The following WWOX variants were observed in gnomAD, a reference collection of about 807,000 sequenced individuals.
WWOX encodes WW domain containing oxidoreductase.
In WWOX, 69 loss-of-function variants were observed where a neutral mutation model predicts 46.2. That is an observed-to-expected ratio of 1.49 (90% CI 1.23 to 1.82). The LOEUF (loss-of-function observed/expected upper bound fraction) is 1.82, where lower values mean the gene tolerates loss of function less well. WWOX is among the 40% of genes most tolerant of loss of function. The probability of loss-of-function intolerance (pLI) is 0.00; values close to 1 mark genes in which losing one functional copy is unlikely to be tolerated. For missense variants in WWOX, 919 were observed against 542.6 expected, an observed-to-expected ratio of 1.69 and a Z score of -6.89; for synonymous variants, 359 against 202.6, an observed-to-expected ratio of 1.77 and a Z score of -6.56.
intron 5 of WWOX, among the ~76,000 whole-genome samples, chr16:78,305,823 A>G (rs2080124829): frequency 6.6e-6 from 1 of 152,168 alleles, no homozygotes; most frequent in Non-Finnish European, 1.5e-5. Context: ...ACCTTGTGGC[A>G]CAACATTGCC....
intron 8 of WWOX, among the ~76,000 whole-genome samples, chr16:78,519,521 T>C (rs753396379): frequency 5.3e-5 from 8 of 151,964 alleles, no homozygotes; most frequent in Non-Finnish European, 1.0e-4. Context: ...TATGGATATA[T>C]AGACATACAC....
intron 5 of WWOX, among the ~76,000 whole-genome samples, chr16:78,208,842 T>G (rs974431092): frequency 1.3e-5 from 2 of 152,236 alleles, no homozygotes; most frequent in African/African-American, 4.8e-5. Context: ...AATGACTAGT[T>G]AATTACTATA....
chr16:79,116,315 C>G (rs1020539843), intron 8 of WWOX, among the ~76,000 whole-genome samples: 12 of 152,200 alleles, frequency 7.9e-5, no homozygotes, highest in African/African-American at 2.4e-4. Flanking sequence ...GTAGCATGCA[C>G]TGCCGTTTGA....
At position 79,207,120 on chromosome 16, in the gene WWOX, T is replaced by C. The variant is rs150878162; in HGVS notation, c.1057-4488T>C. On this transcript the variant is annotated intron_variant, in intron 8 of 8. Transcript: ENST00000566780. ...AAGACAGGGCGTGTAGACGGCCATC[T>C]ATTCCACCTGTGACATGAGGGCTCA... 1.0e-3 allele frequency among the ~76,000 whole-genome samples: 154 copies of C among 152,276 alleles called. 1 individual carries two copies. Among genetic ancestry groups the C allele is most frequent in the African/African-American group, 3.6e-3 (149 of 41,548 alleles).
chr16:78,684,075 C>G (rs1597441822), intron 8 of WWOX, among the ~76,000 whole-genome samples: 1 of 152,290 alleles, frequency 6.6e-6, no homozygotes, highest in South Asian at 2.1e-4. Context: ...GCACATGCTT[C>G]CTTTTTAGCT....
chr16:78,870,874 T>C (rs966912552), intron 8 of WWOX, among the ~76,000 whole-genome samples: 2 of 152,178 alleles, frequency 1.3e-5, no homozygotes, highest in East Asian at 3.9e-4. Context: ...AGTGCTAGGA[T>C]TATAGGCATG....
At chr16:78,212,782 G>A (rs2036598026) in intron 5 of WWOX, among the ~76,000 whole-genome samples, 1 of 152,138 alleles carries the variant, frequency 6.6e-6, no homozygotes, top group Non-Finnish European at 1.5e-5. Flanking sequence ...CCAACCTCTT[G>A]AGAAAGACAT....
chr16:78,815,385 C>T (rs752218071), intron 8 of WWOX, among the ~76,000 whole-genome samples: 15 of 152,208 alleles, frequency 9.9e-5, no homozygotes, highest in African/African-American at 3.6e-4. Context: ...GGAGCTGTTC[C>T]TGCTGTTACT....
At chr16:79,174,263 T>C (rs1416321560) in intron 8 of WWOX, among the ~76,000 whole-genome samples, 1 of 152,222 alleles carries the variant, frequency 6.6e-6, no homozygotes, top group Admixed American at 6.5e-5. Flanking sequence ...TCTGTTTCCT[T>C]ACCTGTCAGG....
At chr16:79,103,111 GT>G (rs2049236070) in intron 8 of WWOX, among the ~76,000 whole-genome samples, 1 of 152,156 alleles carries the variant, frequency 6.6e-6, no homozygotes, top group African/African-American at 2.4e-5. Flanking sequence ...AAGTGGTTAA[GT>G]CTCTGGGCAT....
chr16:78,574,983 AATATTTATTTTTCAATTATATAT>A (rs2044813702), intron 8 of WWOX, among the ~76,000 whole-genome samples: 1 of 94,878 alleles, frequency 1.1e-5, no homozygotes, highest in Non-Finnish European at 2.1e-5. Flanking sequence ...GAATATATTC[AATATTTATTTTTCAATTATATAT>A]ATATATATAT....
At chr16:78,741,168 C>T (rs2049216776) in intron 8 of WWOX, among the ~76,000 whole-genome samples, 1 of 152,186 alleles carries the variant, frequency 6.6e-6, no homozygotes, top group African/African-American at 2.4e-5. Flanking sequence ...GTAGTTGTGA[C>T]AGAGACCATT....
In WWOX at chr16:78,342,772, C is replaced by A. The variant is rs73576486; in HGVS notation, c.517-44088C>A. ...GCAGGTTTGAAAGGGTACCTAAAAA[C>A]AAGCCACCAGATTGTCCCATTCCAC... On this transcript the variant is annotated intron_variant, in intron 5 of 8. Coordinates refer to ENST00000566780, the MANE Select transcript of WWOX (RefSeq NM_016373.4). Among the ~76,000 whole-genome samples, 6 of 120,774 alleles carry A rather than the reference C, an allele frequency of 5.0e-5. 2 individuals are homozygous for A. In the South Asian group the frequency reaches 1.5e-3, roughly 30 times the overall value. The allele number at this position is 120,774 out of a possible 152,430, so 79.2% of individuals were successfully genotyped here. A position where few individuals can be genotyped will look rare whatever the true frequency, so the allele number is the denominator to read the frequency against.
At chr16:79,159,553 T>A (rs1025112554) in intron 8 of WWOX, among the ~76,000 whole-genome samples, 1 of 152,126 alleles carries the variant, frequency 6.6e-6, no homozygotes, top group Non-Finnish European at 1.5e-5. Flanking sequence ...GATGCTGGAA[T>A]TGGAAAATGC....
intron 8 of WWOX, among the ~76,000 whole-genome samples, chr16:78,929,711 C>T (rs1356294462): frequency 6.6e-6 from 1 of 152,010 alleles, no homozygotes; most frequent in Non-Finnish European, 1.5e-5. Context: ...TCAGGAAGAG[C>T]GTTTAGGAAG....
chr16:79,161,389 C>T (rs1421397529), intron 8 of WWOX, among the ~76,000 whole-genome samples: 2 of 152,100 alleles, frequency 1.3e-5, no homozygotes, highest in East Asian at 1.9e-4. Context: ...GAAAAGTCCA[C>T]AGCATAAGCT....
chr16:78,932,785 G>C (rs1391894718), intron 8 of WWOX, among the ~76,000 whole-genome samples: 9 of 152,174 alleles, frequency 5.9e-5, no homozygotes, highest in Middle Eastern at 3.2e-3. Context: ...AGATGACTCA[G>C]GCTGGTCCCA....
intron 6 of WWOX, among the ~76,000 whole-genome samples, chr16:78,392,680 G>C (rs561107893): frequency 2.0e-5 from 3 of 152,098 alleles, no homozygotes; most frequent in African/African-American, 7.2e-5. Context: ...TGAGTTTCCT[G>C]TGAAAGGGTA....
Position 78,760,908 on chromosome 16 carries a change from C to T in WWOX, c.1056+328156C>T, listed in dbSNP as rs143184679. ...AATGGAAGGGGAAAGGCGCATCTCA[C>T]GTGGTGGCAGAGAACAGAAGAGAGC... On this transcript the variant is annotated intron_variant, in intron 8 of 8. Transcript: ENST00000566780. Among the ~76,000 whole-genome samples, 291 of 152,280 alleles carry T rather than the reference C, an allele frequency of 1.9e-3. 2 individuals carry two copies. The highest frequency in any genetic ancestry group is 6.4e-3 in the African/African-American group (265 of 41,572).
Sources: allele counts gnomAD v4.1 joint callset (sites outside exome capture counted in the v4.1 genomes callset), GRCh38; gene constraint gnomAD v4.1.1; transcripts MANE v1.5; gene names NCBI Gene and HGNC (gene_info 2026-07-23, HGNC 2026-07-21).